The following RYR1 variants were observed in gnomAD, a reference collection of about 807,000 sequenced individuals.
The protein encoded by RYR1 is central core disease of muscle.
In RYR1, 342 loss-of-function variants were observed where a neutral mutation model predicts 583.5. That is an observed-to-expected ratio of 0.59 (90% CI 0.54 to 0.64). The LOEUF is 0.64. Among genes scored for constraint, RYR1 ranks in the 30% least tolerant of loss-of-function variants. The probability of loss-of-function intolerance (pLI) is 0.00; values close to 1 mark genes in which losing one functional copy is unlikely to be tolerated. For synonymous variants in RYR1, 2,791 were observed against 2,822.5 expected (o/e 0.99, Z 0.35); for missense variants, 6,032 against 6,917.2 (o/e 0.87, Z 4.54).
chr19:38,458,866 G>A (rs577993560), intron 18 of RYR1, among the ~76,000 whole-genome samples: 1 of 152,250 alleles, frequency 6.6e-6, no homozygotes, highest in East Asian at 1.9e-4. Flanking sequence ...TGATCCATCC[G>A]CCTTGGCCTT....
chr19:38,586,006 G>A lies in RYR1; in HGVS notation c.14868+4G>A. 1 of 1,614,098 alleles carries A rather than the reference G, an allele frequency of 6.2e-7. No homozygotes were observed. The highest frequency in any genetic ancestry group is 8.5e-7 in the Non-Finnish European group (1 of 1,180,018). On this transcript the variant is annotated splice_donor_region_variant and intron_variant, in intron 103 of 105. Coordinates refer to ENST00000359596, the MANE Select transcript of RYR1 (RefSeq NM_000540.3). ...GCAAGTGAAGGAGGATATGGAGGTAGGTCATGTCTGGGGGTGACCCAGAGG... is the reference window on the plus strand; with the variant it reads ...GCAAGTGAAGGAGGATATGGAGGTAAGTCATGTCTGGGGGTGACCCAGAGG...
At chr19:38,536,713 C>T in intron 82 of RYR1, 37 bp from the exon 83 acceptor site, 2 of 1,613,604 alleles carry the variant, frequency 1.2e-6, no homozygotes, top group Non-Finnish European at 1.7e-6. Context: ...TCTCTCTTTT[C>T]TCCTGCTTCC....
At chr19:38,510,821 A>G in intron 60 of RYR1, 40 bp downstream of exon 60, 1 of 1,613,224 alleles carries the variant, frequency 6.2e-7, no homozygotes. Flanking sequence ...CCCTGACCTC[A>G]CAGGATTGTA....
At chr19:38,447,621 C>A (rs1973009528) in intron 9 of RYR1, among the ~76,000 whole-genome samples, 1 of 151,578 alleles carries the variant, frequency 6.6e-6, no homozygotes, top group South Asian at 2.1e-4. Flanking sequence ...GCAGGTGGAT[C>A]ATTTGAGGTC....
chr19:38,525,556 T>C, intron 71 of RYR1, 54 bp downstream of exon 71: 1 of 1,583,084 alleles, frequency 6.3e-7, no homozygotes, highest in South Asian at 1.1e-5. Flanking sequence ...CAGCACCCAC[T>C]GAACCCCTGG....
In RYR1 at chr19:38,532,476, G is replaced by A. The variant is rs772762776; in HGVS notation, c.11142-14G>A. 1 of 1,614,066 alleles carries A rather than the reference G, an allele frequency of 6.2e-7. No individual in the cohort carries two copies. Among genetic ancestry groups the A allele is most frequent in the East Asian group, 2.2e-5 (1 of 44,868 alleles). ...TCCACCGGGTCCTGACCACTCCCCT[G>A]CTTACTTCCCCAGCAAACTGGATGA... On this transcript the variant is annotated splice_polypyrimidine_tract_variant and intron_variant, in intron 76 of 105. Coordinates refer to ENST00000359596, the MANE Select transcript of RYR1 (RefSeq NM_000540.3).
chr19:38,449,321 G>A (rs368938219), intron 11 of RYR1, among the ~76,000 whole-genome samples: 93 of 151,990 alleles, frequency 6.1e-4, no homozygotes, highest in African/African-American at 1.9e-3. Flanking sequence ...TTAGCCAGGC[G>A]TGGTGGCAGC....
At chr19:38,516,330 G>A (rs768282631) in intron 65 of RYR1, 113 bp downstream of exon 65, 21 of 1,314,956 alleles carry the variant, frequency 1.6e-5, no homozygotes, top group Non-Finnish European at 2.0e-5. Context: ...GAGCGGCTGA[G>A]GATTCCCCAG....
In RYR1 at chr19:38,528,641, A is replaced by G. The variant is rs760658954; in HGVS notation, c.10980A>G (p.Ala3660=). 1.2e-6 allele frequency: 2 copies of G among 1,614,200 alleles called. No individual in the cohort carries two copies. The highest frequency in any genetic ancestry group is 1.7e-5 in the Admixed American group (1 of 60,024). The change falls in exon 75 of 106, where the codon GCA becomes GCG. Residue 3660 remains alanine (A), a synonymous_variant. Transcript: ENST00000359596. ...CNMFLESYKA[A]WILTEDHSFE... ...TGTTCCTGGAGAGCTACAAGGCTGC[A>G]TGGATCCTGACTGAAGACCACAGTT...
intron 89 of RYR1, among the ~76,000 whole-genome samples, chr19:38,553,115 T>G (rs1020278664): frequency 6.6e-6 from 1 of 152,096 alleles, no homozygotes; most frequent in Non-Finnish European, 1.5e-5. Flanking sequence ...GGCAGATCAC[T>G]TGAGGTCAGA....
intron 76 of RYR1, among the ~76,000 whole-genome samples, chr19:38,531,221 G>T (rs1485317498): frequency 1.3e-5 from 2 of 151,958 alleles, no homozygotes; most frequent in Non-Finnish European, 2.9e-5. Flanking sequence ...GGGCTGCAAG[G>T]TGATGAAGAA....
At chr19:38,485,527 G>T (rs2145541068) in intron 33 of RYR1, 63 bp from the exon 34 acceptor site, 1 of 1,594,734 alleles carries the variant, frequency 6.3e-7, no homozygotes. Flanking sequence ...GGAAGAGATG[G>T]TGGCTTGACT....
chr19:38,496,568 T>C lies in RYR1; in HGVS notation c.6796+27T>C, dbSNP rs200091381. ...TGAGAACCCCCGAGCCCAGGGGCTG[T>C]CCCCCAGAACCCACTCCTGGCACCC... On this transcript the variant is annotated intron_variant, in intron 41 of 105. Transcript: ENST00000359596. The surrounding 1 kb of genome is among the most constrained non-coding windows in gnomAD (Gnocchi z 4.8). 4.1e-5 allele frequency: 66 copies of C among 1,612,598 alleles called. No individual in the cohort carries two copies. Among genetic ancestry groups the C allele is most frequent in the Non-Finnish European group, 5.0e-5 (59 of 1,179,956 alleles).
chr19:38,511,522 G>T (rs372261893), intron 60 of RYR1, 39 bp from the exon 61 acceptor site: 1 of 1,610,686 alleles, frequency 6.2e-7, no homozygotes, highest in East Asian at 2.2e-5. Context: ...CTCCTCACTC[G>T]CTGTTTCTCC....
chr19:38,563,580 A>G (rs1326190060), intron 90 of RYR1, among the ~76,000 whole-genome samples: 1 of 152,182 alleles, frequency 6.6e-6, no homozygotes. Flanking sequence ...TACAGCATTT[A>G]TCAGGCACCG....
intron 71 of RYR1, among the ~76,000 whole-genome samples, chr19:38,526,397 C>A (rs59712128): frequency 0.022 from 3,351 of 151,648 alleles, 122 homozygotes; most frequent in African/African-American, 0.077. Flanking sequence ...CCCTAAAGAC[C>A]ACCGACTTCT....
intron 38 of RYR1, among the ~76,000 whole-genome samples, chr19:38,492,858 C>T (rs969788297): frequency 6.6e-6 from 1 of 152,026 alleles, no homozygotes; most frequent in Non-Finnish European, 1.5e-5. Flanking sequence ...CACTTGAGGT[C>T]AGGATTTGGA....
At position 38,504,901 on chromosome 19, in the gene RYR1, G is replaced by T; in HGVS notation, c.8221G>T (p.Glu2741Ter). 6.2e-7 allele frequency: 1 copy of T among 1,614,160 alleles called. No individual in the cohort carries two copies. The highest frequency in any genetic ancestry group is 8.5e-7 in the Non-Finnish European group (1 of 1,180,028). ...AGGCAACTTTGATCCCCGGCCTGTGGAGACCCTCAAGTGAGGCCTGGGGGC... is the reference window on the plus strand; with the variant it reads ...AGGCAACTTTGATCCCCGGCCTGTGTAGACCCTCAAGTGAGGCCTGGGGGC... ...AEGNFDPRPV[E>*]TLNVIIPEKL... Residue 2741 changes from glutamate (E) to a stop codon, truncating the protein, a stop_gained, in exon 51 of 106, where the codon GAG becomes TAG. Transcript: ENST00000359596. LOFTEE classifies it high-confidence loss of function.
At chr19:38,470,920 C>A (rs1968389693) in intron 27 of RYR1, among the ~76,000 whole-genome samples, 1 of 152,160 alleles carries the variant, frequency 6.6e-6, no homozygotes, top group African/African-American at 2.4e-5. Context: ...AGAGTGGACG[C>A]AGAGTTCCTG....
Sources: allele counts gnomAD v4.1 joint callset (sites outside exome capture counted in the v4.1 genomes callset), GRCh38; gene constraint gnomAD v4.1.1; non-coding constraint Gnocchi (gnomAD v3.1); transcripts MANE v1.5; gene names NCBI Gene and HGNC (gene_info 2026-07-23, HGNC 2026-07-21).